Variants in SMARCA2 observed in about 807,000 individuals in gnomAD.
SMARCA2 encodes the protein SWI/SNF related BAF chromatin remodeling complex subunit ATPase 2.
In SMARCA2, 61 loss-of-function variants were observed where a neutral mutation model predicts 199.8. That is an observed-to-expected ratio of 0.31 (90% CI 0.25 to 0.38). The LOEUF is 0.38. Ranked by LOEUF, SMARCA2 falls within the 10% of genes least tolerant of loss-of-function variation. The pLI is 1.00. For missense variants in SMARCA2, 1,344 were observed against 2,012.2 expected, an observed-to-expected ratio of 0.67 and a Z score of 6.35; for synonymous variants, 935 against 732.0, an observed-to-expected ratio of 1.28 and a Z score of -4.48.
At chr9:2,021,973 C>T (rs1202379271) in intron 1 of SMARCA2, 1 of 151,814 alleles carries the variant, frequency 6.6e-6, no homozygotes, top group Non-Finnish European at 1.5e-5. Context: ...ATCACAGAGA[C>T]CCGGCGAGAT....
intron 9 of SMARCA2, among the ~76,000 whole-genome samples, chr9:2,062,401 T>A (rs1820636267): frequency 6.6e-6 from 1 of 152,208 alleles, no homozygotes; most frequent in Non-Finnish European, 1.5e-5. Flanking sequence ...ATTTTACATT[T>A]CTTTGTGATT....
chr9:2,161,890 A>T lies in SMARCA2; in HGVS notation c.4186A>T (p.Asn1396Tyr), dbSNP rs1214173532. Residue 1396 changes from asparagine to tyrosine, a missense_variant, in exon 28 of 34, where the codon AAC becomes TAC. Coordinates refer to ENST00000349721, the MANE Select transcript of SMARCA2 (RefSeq NM_003070.5). The surrounding 1 kb of genome is among the most constrained non-coding windows in gnomAD (Gnocchi z 4.7). ...GAACGCTATCATCGATACTGTGATAAACTACAAAGATAGGTGAGTGTTTGG... is the reference window on the plus strand; with the variant it reads ...GAACGCTATCATCGATACTGTGATATACTACAAAGATAGGTGAGTGTTTGG... ...QMNAIIDTVI[N>Y]YKDRCNVEKV... is the part of the protein sequence containing the mutation. The T allele has an allele frequency of 1.9e-6, 3 of 1,613,654 alleles. No homozygotes were observed. The highest frequency in any genetic ancestry group is 2.5e-6 in the Non-Finnish European group (3 of 1,179,612).
At chr9:2,127,815 G>T (rs1332904122) in intron 27 of SMARCA2, among the ~76,000 whole-genome samples, 2 of 152,192 alleles carry the variant, frequency 1.3e-5, no homozygotes. Flanking sequence ...TGGTTTCATT[G>T]AAGACAGGTT....
At position 2,086,286 on chromosome 9, in the gene SMARCA2, C is replaced by G. The variant is rs1821800414; in HGVS notation, c.2527-543C>G. On this transcript the variant is annotated intron_variant, in intron 17 of 33. Coordinates refer to ENST00000349721, the MANE Select transcript of SMARCA2 (RefSeq NM_003070.5). This position sits in a 1 kb window ranked among gnomAD's most constrained non-coding sequence, Gnocchi z 4.3. ...CAACCAGTCCAAACAAAACAAAACA[C>G]ACTTCCGGGCCAAGCCCTAAAGGTA... Among the ~76,000 whole-genome samples, 1 of 152,190 alleles carries G rather than the reference C, an allele frequency of 6.6e-6. No homozygotes were observed. The highest frequency in any genetic ancestry group is 2.4e-5 in the African/African-American group (1 of 41,452).
At chr9:2,190,636 C>A (rs962572902) in intron 32 of SMARCA2, among the ~76,000 whole-genome samples, 1 of 152,176 alleles carries the variant, frequency 6.6e-6, no homozygotes, top group Middle Eastern at 3.4e-3. Context: ...GAATCACACA[C>A]ACACACATAC....
chr9:2,159,638 G>C (rs1825561844), intron 27 of SMARCA2: 1 of 657,654 alleles, frequency 1.5e-6, no homozygotes, highest in South Asian at 2.5e-5. Context: ...AATATGATAA[G>C]TAGTTGTCAA....
chr9:2,121,701 GTTTA>G (rs1823470358), intron 26 of SMARCA2, among the ~76,000 whole-genome samples: 1 of 152,134 alleles, frequency 6.6e-6, no homozygotes, highest in Admixed American at 6.6e-5. Context: ...TAAGCAGATA[GTTTA>G]TTTAAAATAA....
chr9:2,103,644 G>A (rs992459433), intron 22 of SMARCA2, among the ~76,000 whole-genome samples: 2 of 104,056 alleles, frequency 1.9e-5, no homozygotes, highest in Non-Finnish European at 4.1e-5. Context: ...GTGTGTGTAC[G>A]TGTGTGTGTG....
At chr9:2,054,054 T>A (rs1048538429) in intron 5 of SMARCA2, among the ~76,000 whole-genome samples, 2 of 152,222 alleles carry the variant, frequency 1.3e-5, no homozygotes, top group Non-Finnish European at 2.9e-5. Flanking sequence ...GGCAGAGCGC[T>A]TTCTGAATGT....
chr9:2,097,704 G>A (rs1822331004), intron 21 of SMARCA2, among the ~76,000 whole-genome samples: 2 of 152,206 alleles, frequency 1.3e-5, no homozygotes, highest in South Asian at 4.1e-4. Flanking sequence ...ATAACCAAGA[G>A]TTTAAAGTGG....
In SMARCA2 at chr9:2,161,771, C is replaced by T. The variant is rs138891880; in HGVS notation, c.4067C>T (p.Pro1356Leu). The change falls in exon 28 of 34, where the codon CCT becomes CTT. Residue 1356 changes from proline (P) to leucine (L), a missense_variant. Around this residue, in one of 18 missense-constraint regions of SMARCA2, gnomAD observed 151 missense variants for 154.0 expected, o/e 0.98. Coordinates refer to ENST00000349721, the MANE Select transcript of SMARCA2 (RefSeq NM_003070.5). The surrounding 1 kb of genome is among the most constrained non-coding windows in gnomAD (Gnocchi z 4.7). Reference protein sequence around the residue: ...RKRRRNVDKDPAKEDVEKAKK... With the variant: ...RKRRRNVDKDLAKEDVEKAKK... ...AGACGAAGAAATGTGGATAAAGATC[C>T]TGCAAAAGAAGATGTGGAAAAAGCT... 5 of 1,613,840 alleles carry T rather than the reference C, an allele frequency of 3.1e-6. No individual in the cohort carries two copies. The highest frequency in any genetic ancestry group is 3.3e-5 in the Admixed American group (2 of 59,962).
In SMARCA2 at chr9:2,017,561, TGC is replaced by T. The variant is rs905631303; in HGVS notation, c.-37+2165_-37+2166del. 4 of 152,352 alleles carry T rather than the reference TGC, an allele frequency of 2.6e-5. No homozygotes were observed. Among genetic ancestry groups the T allele is most frequent in the African/African-American group, 7.2e-5 (3 of 41,400 alleles). The allele number at this position is 152,352 out of a possible 1,614,324, so 9.4% of individuals were successfully genotyped here. A position where few individuals can be genotyped will look rare whatever the true frequency, so the allele number is the denominator to read the frequency against. On this transcript the variant is annotated intron_variant, in intron 1 of 33. Transcript: ENST00000349721. This position sits in a 1 kb window ranked among gnomAD's most constrained non-coding sequence, Gnocchi z 8.8. ...GCGTGTGGTTGTGAGTGTGTGTGTG[TGC>T]GCGCGCGAGCGGCGGAGAATCAGGA...
At chr9:2,121,537 T>G (rs1435558697) in intron 26 of SMARCA2, among the ~76,000 whole-genome samples, 1 of 152,214 alleles carries the variant, frequency 6.6e-6, no homozygotes, top group African/African-American at 2.4e-5. Context: ...TTAAAAAGTT[T>G]GGTGAGAAAC....
In SMARCA2 at chr9:2,123,751, C is replaced by G; in HGVS notation, c.3795C>G (p.Ala1265=). 2 of 1,614,048 alleles carry G rather than the reference C, an allele frequency of 1.2e-6. No homozygotes were observed. Among genetic ancestry groups the G allele is most frequent in the Non-Finnish European group, 8.5e-7 (1 of 1,180,000 alleles). ...ACATGGACCGGCGGAGGGAAGATGC[C>G]CGGAACCCGAAACGGAAGCCCCGTT... The part of the protein sequence containing the change: ...RMDMDRRRED[A]RNPKRKPRLM... The change falls in exon 27 of 34, where the codon GCC becomes GCG. Residue 1265 remains alanine (A), a synonymous_variant. Transcript: ENST00000349721. The surrounding 1 kb of genome is among the most constrained non-coding windows in gnomAD (Gnocchi z 4.1).
intron 5 of SMARCA2, among the ~76,000 whole-genome samples, chr9:2,053,225 A>G (rs1040259604): frequency 1.3e-5 from 2 of 152,120 alleles, no homozygotes; most frequent in Non-Finnish European, 2.9e-5. Context: ...AACATGCGGT[A>G]TTTGGTTTTC....
intron 27 of SMARCA2, among the ~76,000 whole-genome samples, chr9:2,149,542 C>G (rs1824946601): frequency 6.6e-6 from 1 of 151,236 alleles, no homozygotes; most frequent in Admixed American, 6.6e-5. Flanking sequence ...AAAAAGGAAA[C>G]CTCTTATAAA....
At chr9:2,091,889 A>G (rs1822077125) in intron 19 of SMARCA2, among the ~76,000 whole-genome samples, 1 of 152,170 alleles carries the variant, frequency 6.6e-6, no homozygotes, top group South Asian at 2.1e-4. Context: ...CTCAGGTGAA[A>G]CTAAAGCAGG....
chr9:2,104,170 G>T lies in SMARCA2; in HGVS notation c.3292+1G>T. 1 of 1,612,954 alleles carries T rather than the reference G, an allele frequency of 6.2e-7. No homozygotes were observed. Among genetic ancestry groups the T allele is most frequent in the Non-Finnish European group, 8.5e-7 (1 of 1,179,148 alleles). On this transcript the variant is annotated splice_donor_variant, in intron 23 of 33. Transcript: ENST00000349721. LOFTEE classifies it high-confidence loss of function. This position sits in a 1 kb window ranked among gnomAD's most constrained non-coding sequence, Gnocchi z 4.0. ...AACTTCCTTTACCTACGCCTTGATG[G>T]TAAGTGCATAAGGCATTAGGCTCGG...
chr9:2,129,425 G>T (rs1823842140), intron 27 of SMARCA2, among the ~76,000 whole-genome samples: 2 of 151,936 alleles, frequency 1.3e-5, no homozygotes, highest in African/African-American at 4.8e-5. Flanking sequence ...CTCGAAAAAA[G>T]GGGACTAGCC....
Sources: allele counts gnomAD v4.1 joint callset (sites outside exome capture counted in the v4.1 genomes callset), GRCh38; gene constraint gnomAD v4.1.1; regional missense constraint gnomAD v4.1.1; non-coding constraint Gnocchi (gnomAD v3.1); transcripts MANE v1.5; gene names NCBI Gene and HGNC (gene_info 2026-07-23, HGNC 2026-07-21).